Variants in SAP130 observed in about 807,000 individuals in gnomAD.
The protein encoded by SAP130 is histone deacetylase complex subunit SAP130.
A neutral mutation model predicts 103.2 loss-of-function variants in SAP130; 16 were observed. That is an observed-to-expected ratio of 0.16 (90% CI 0.10 to 0.24). The LOEUF (loss-of-function observed/expected upper bound fraction) is 0.24, where lower values mean the gene tolerates loss of function less well. Among genes scored for constraint, SAP130 ranks in the 10% least tolerant of loss-of-function variants. The pLI, the probability that SAP130 is intolerant of heterozygous loss-of-function variation, is 1.00. For synonymous variants in SAP130, 477 were observed against 497.0 expected, an observed-to-expected ratio of 0.96 and a Z score of 0.53; for missense variants, 990 against 1,359.7, an observed-to-expected ratio of 0.73 and a Z score of 4.28.
chr2:127,973,990 G>A (rs1415048868), intron 15 of SAP130, among the ~76,000 whole-genome samples: 1 of 152,068 alleles, frequency 6.6e-6, no homozygotes, highest in Non-Finnish European at 1.5e-5. Context: ...GCAGTGAGCT[G>A]AGATTGCACC....
At chr2:127,972,576 G>A (rs1383024507) in intron 15 of SAP130, among the ~76,000 whole-genome samples, 1 of 152,108 alleles carries the variant, frequency 6.6e-6, no homozygotes, top group Non-Finnish European at 1.5e-5. Flanking sequence ...TGGCCAACAT[G>A]GTGAAACTCC....
intron 6 of SAP130, among the ~76,000 whole-genome samples, chr2:128,012,216 T>C (rs924305303): frequency 1.3e-5 from 2 of 152,166 alleles, no homozygotes; most frequent in Admixed American, 1.3e-4. Context: ...ACGCCTGTAA[T>C]CCTAGCACTT....
In SAP130 at chr2:127,996,373, G is replaced by C. The variant is rs773992646; in HGVS notation, c.1332C>G (p.Ala444=). ...SGHRASPNPV[A]METRSDNRPS... ...ACCTGTTGTCACTTCGGGTTTCCAT[G>C]GCCACAGGATTGGGAGAGGCCCGAT... Residue 444 remains alanine, a synonymous_variant, in exon 11 of 21, where the codon GCC becomes GCG. Coordinates refer to ENST00000643581, the MANE Select transcript of SAP130 (RefSeq NM_001330301.2). The surrounding 1 kb of genome is among the most constrained non-coding windows in gnomAD (Gnocchi z 4.3). The C allele has an allele frequency of 1.9e-6, 3 of 1,605,948 alleles. No individual in the cohort carries two copies. Among genetic ancestry groups the C allele is most frequent in the African/African-American group, 1.3e-5 (1 of 74,592 alleles).
Position 127,941,805 on chromosome 2 carries a change from A to C in SAP130, c.*201T>G. 1.8e-6 allele frequency: 1 copy of C among 570,008 alleles called. No individual in the cohort carries two copies. Among genetic ancestry groups the C allele is most frequent in the Non-Finnish European group, 3.1e-6 (1 of 327,688 alleles). The allele number at this position is 570,008 out of a possible 1,614,324, so 35.3% of individuals were successfully genotyped here. The stretch of plus-strand genomic sequence containing the variant: ...TCAGGTTTAACAGGGGTGCACCCGA[A>C]CGCAAGAAGGCAGCTCACTATGTCC... On this transcript the variant is annotated 3_prime_UTR_variant, in exon 21 of 21. Coordinates refer to ENST00000643581, the MANE Select transcript of SAP130 (RefSeq NM_001330301.2).
intron 11 of SAP130, among the ~76,000 whole-genome samples, chr2:127,995,968 AAG>A (rs1180134332): frequency 6.6e-6 from 1 of 152,194 alleles, no homozygotes; most frequent in Non-Finnish European, 1.5e-5. Context: ...CCATGAGTGA[AAG>A]AGAAGGGAGA....
At chr2:128,026,351 T>C in intron 1 of SAP130, 53 bp from the exon 2 acceptor site, 1 of 1,281,344 alleles carries the variant, frequency 7.8e-7, no homozygotes, top group South Asian at 1.2e-5. Flanking sequence ...TCTGAATCAA[T>C]ACTGAGAAAT....
rs2105075623 is a variant in SAP130 at position 127,998,743 on chromosome 2, T to C, written c.1213+998A>G. ...ACAAGAACCAATCTCTAAAAAATTC[T>C]TCATGGTGGAGGGTCAGGAGGAAAC... On this transcript the variant is annotated intron_variant, in intron 10 of 20. Coordinates refer to ENST00000643581, the MANE Select transcript of SAP130 (RefSeq NM_001330301.2). Among the ~76,000 whole-genome samples the C allele has an allele frequency of 1.3e-5, 2 of 152,346 alleles. 1 individual carries two copies. The highest frequency in any genetic ancestry group is 4.1e-4 in the South Asian group (2 of 4,832).
chr2:127,958,664 GAGAGAGAGAGA>G, intron 15 of SAP130, among the ~76,000 whole-genome samples: 1 of 150,784 alleles, frequency 6.6e-6, no homozygotes, highest in African/African-American at 2.4e-5. Context: ...GAGAGAGAGA[GAGAGAGAGAGA>G]GAGAGAGAGA....
chr2:127,952,268 T>C (rs2104741139), intron 16 of SAP130, among the ~76,000 whole-genome samples: 1 of 152,074 alleles, frequency 6.6e-6, no homozygotes, highest in Middle Eastern at 3.4e-3. Context: ...CTGGCCAACA[T>C]GGTGAAACCC....
At chr2:127,974,756 G>A (rs1398147712) in intron 15 of SAP130, among the ~76,000 whole-genome samples, 1 of 152,152 alleles carries the variant, frequency 6.6e-6, no homozygotes, top group Non-Finnish European at 1.5e-5. Flanking sequence ...GAGGTTGTGG[G>A]GAGCCGAGAT....
At chr2:127,968,564 C>T (rs1680842769) in intron 15 of SAP130, among the ~76,000 whole-genome samples, 1 of 151,584 alleles carries the variant, frequency 6.6e-6, no homozygotes, top group Non-Finnish European at 1.5e-5. Flanking sequence ...ACTCTGTTGC[C>T]CAGGCTGGAG....
At chr2:128,012,952 A>G in intron 6 of SAP130, 78 bp downstream of exon 6, 1 of 1,348,136 alleles carries the variant, frequency 7.4e-7, no homozygotes, top group Non-Finnish European at 9.8e-7. Flanking sequence ...AAAGTCCCTG[A>G]GGTCAAGGAT....
At chr2:128,007,797 C>A (rs544939723) in intron 7 of SAP130, among the ~76,000 whole-genome samples, 1 of 152,306 alleles carries the variant, frequency 6.6e-6, no homozygotes, top group South Asian at 2.1e-4. Flanking sequence ...TTCTCACTCT[C>A]TAGTACCCCT....
At chr2:127,985,681 C>T (rs1682327329) in intron 14 of SAP130, among the ~76,000 whole-genome samples, 1 of 151,960 alleles carries the variant, frequency 6.6e-6, no homozygotes, top group Non-Finnish European at 1.5e-5. Flanking sequence ...GGTGAGGGCT[C>T]CACCCCCAGC....
Position 128,005,650 on chromosome 2 carries a change from CT to C in SAP130, c.869+4618del, listed in dbSNP as rs774112498. Among the ~76,000 whole-genome samples, 344 of 143,406 alleles carry C rather than the reference CT, an allele frequency of 2.4e-3. 1 individual carries two copies. The highest frequency in any genetic ancestry group is 4.1e-3 in the Admixed American group (59 of 14,398). The allele number at this position is 143,406 out of a possible 152,430, so 94.1% of individuals were successfully genotyped here. A position where few individuals can be genotyped will look rare whatever the true frequency, so the allele number is the denominator to read the frequency against. On this transcript the variant is annotated intron_variant, in intron 7 of 20. Coordinates refer to ENST00000643581, the MANE Select transcript of SAP130 (RefSeq NM_001330301.2). ...CAAACTGTTCATATAGTTTTTCTTT[CT>C]TTTTTTTTTTTTTGAGACAGTGTCT...
At chr2:127,947,754 T>TTG (rs1491251653) in intron 18 of SAP130, among the ~76,000 whole-genome samples, 53 of 28,676 alleles carry the variant, frequency 1.8e-3, no homozygotes, top group South Asian at 3.8e-3. Context: ...TAATTTTGTA[T>TTG]TGTGTGTGTC....
At chr2:127,985,339 C>G (rs1040984721) in intron 14 of SAP130, among the ~76,000 whole-genome samples, 1 of 152,200 alleles carries the variant, frequency 6.6e-6, no homozygotes, top group Non-Finnish European at 1.5e-5. Flanking sequence ...GGTATATGCA[C>G]AGCTCTGTGC....
In SAP130 at chr2:127,986,773, A is replaced by C; in HGVS notation, c.1958+12T>G. On this transcript the variant is annotated intron_variant, in intron 14 of 20. Coordinates refer to ENST00000643581, the MANE Select transcript of SAP130 (RefSeq NM_001330301.2). The surrounding 1 kb of genome is among the most constrained non-coding windows in gnomAD (Gnocchi z 4.7). ...ACCAGAGGTGTCATTCGGCACTACC[A>C]GGTCTACTCACCCATCTGTGGCAGG... 5.6e-6 allele frequency: 9 copies of C among 1,611,696 alleles called. No individual in the cohort carries two copies. Among genetic ancestry groups the C allele is most frequent in the Non-Finnish European group, 7.6e-6 (9 of 1,178,302 alleles).
chr2:127,968,418 T>TG (rs1170818188), intron 15 of SAP130, among the ~76,000 whole-genome samples: 1,756 of 136,778 alleles, frequency 0.013, 30 homozygotes, highest in African/African-American at 0.028. Flanking sequence ...GAGTTGGTTT[T>TG]TTTTTTTTTT....
Sources: gnomAD v4.1 joint callset for allele counts (sites outside exome capture counted in the v4.1 genomes callset) on GRCh38, gnomAD v4.1.1 for gene constraint, Gnocchi (gnomAD v3.1) non-coding constraint, MANE v1.5 for transcripts, NCBI Gene and HGNC (gene_info 2026-07-23, HGNC 2026-07-21) for gene names.